IMMP2L: variants seen among roughly 807,000 people sequenced by gnomAD.
IMMP2L encodes the protein inner mitochondrial membrane peptidase subunit 2, also known as mitochondrial inner membrane protease subunit 2.
A neutral mutation model predicts 19.3 loss-of-function variants in IMMP2L; 18 were observed. The observed-to-expected ratio is 0.93, with a 90% CI of 0.64 to 1.38. The LOEUF is 1.38. IMMP2L is among the 40% of genes most tolerant of loss of function. The pLI is 0.00. For missense variants in IMMP2L, 233 were observed against 218.2 expected (o/e 1.07, Z -0.43); for synonymous variants, 76 against 73.0 (o/e 1.04, Z -0.21).
chr7:110,667,622 T>C (rs1458878946), intron 5 of IMMP2L, among the ~76,000 whole-genome samples: 1 of 152,138 alleles, frequency 6.6e-6, no homozygotes, highest in East Asian at 1.9e-4. Context: ...AAAAGGACCA[T>C]GAGCCAAGGA....
At chr7:111,116,265 A>G (rs934960166) in intron 3 of IMMP2L, among the ~76,000 whole-genome samples, 4 of 152,208 alleles carry the variant, frequency 2.6e-5, no homozygotes, top group African/African-American at 9.6e-5. Context: ...GGGTAAAAAT[A>G]AAAGTTCTTA....
At chr7:110,698,046 A>C (rs901305106) in intron 5 of IMMP2L, among the ~76,000 whole-genome samples, 6 of 152,180 alleles carry the variant, frequency 3.9e-5, no homozygotes, top group Admixed American at 1.3e-4. Context: ...TTGTCTTTTG[A>C]CATTTTAAGG....
chr7:111,121,933 A>ATGGATGAAGCTGGAAATCATCATTCT (rs1329125131), intron 3 of IMMP2L, among the ~76,000 whole-genome samples: 3 of 152,144 alleles, frequency 2.0e-5, no homozygotes, highest in Non-Finnish European at 4.4e-5. Context: ...TTGTAGGGAC[A>ATGGATGAAGCTGGAAATCATCATTCT]TGGATGAAGC....
chr7:111,254,791 A>G (rs1023420895), intron 3 of IMMP2L, among the ~76,000 whole-genome samples: 2 of 152,034 alleles, frequency 1.3e-5, no homozygotes, highest in Non-Finnish European at 2.9e-5. Context: ...CAAGTTTTGT[A>G]TCCCTCAAAT....
Position 111,355,292 on chromosome 7 carries a change from A to C in IMMP2L, c.239+131946T>G, listed in dbSNP as rs967883820. On this transcript the variant is annotated intron_variant, in intron 3 of 5. Coordinates refer to ENST00000405709, the MANE Select transcript of IMMP2L (RefSeq NM_032549.4). ...AGTTAAAAATATAATGTACATAATA[A>C]TACTAATGCATGACATCAGTTTGGT... Among the ~76,000 whole-genome samples the C allele has an allele frequency of 1.3e-5, 2 of 151,874 alleles. 1 individual carries two copies. The highest frequency in any genetic ancestry group is 6.4e-3 in the Middle Eastern group (2 of 314).
intron 4 of IMMP2L, among the ~76,000 whole-genome samples, chr7:110,959,265 T>TA (rs1297233368): frequency 6.6e-6 from 1 of 151,946 alleles, no homozygotes; most frequent in Admixed American, 6.6e-5. Flanking sequence ...TAATATCCAG[T>TA]AATATCCAGA....
intron 3 of IMMP2L, among the ~76,000 whole-genome samples, chr7:111,180,858 G>C (rs1337549909): frequency 6.6e-6 from 1 of 151,924 alleles, no homozygotes; most frequent in African/African-American, 2.4e-5. Flanking sequence ...TGTATATTAG[G>C]TTTCTATGCT....
chr7:111,284,496 A>G (rs1304461747), intron 3 of IMMP2L, among the ~76,000 whole-genome samples: 1 of 152,146 alleles, frequency 6.6e-6, no homozygotes, highest in Non-Finnish European at 1.5e-5. Context: ...AGGAAACTTG[A>G]AGGGAAATCC....
At position 110,695,149 on chromosome 7, in the gene IMMP2L, C is replaced by T. The variant is rs114640115; in HGVS notation, c.409-31428G>A. Among the ~76,000 whole-genome samples the T allele has an allele frequency of 8.9e-3, 1,347 of 152,060 alleles. 22 individuals are homozygous for T. The highest frequency in any genetic ancestry group is 0.03 in the African/African-American group (1,262 of 41,488). On this transcript the variant is annotated intron_variant, in intron 5 of 5. Transcript: ENST00000405709. ...TTGGAAGTAGACATAGTGGTTGTACCGCATCATAAAAATGTTTGATGACAC... is the reference window on the plus strand; with the variant it reads ...TTGGAAGTAGACATAGTGGTTGTACTGCATCATAAAAATGTTTGATGACAC...
chr7:111,397,595 A>C (rs755544101), intron 3 of IMMP2L, among the ~76,000 whole-genome samples: 1 of 152,174 alleles, frequency 6.6e-6, no homozygotes, highest in African/African-American at 2.4e-5. Flanking sequence ...TGTTGCTGGT[A>C]TGATGGATGA....
At chr7:111,287,608 T>C (rs1820634988) in intron 3 of IMMP2L, among the ~76,000 whole-genome samples, 1 of 152,056 alleles carries the variant, frequency 6.6e-6, no homozygotes, top group South Asian at 2.1e-4. Context: ...TCTCAAGGTA[T>C]TGAGTATGAA....
chr7:111,176,532 C>T (rs559699483), intron 3 of IMMP2L, among the ~76,000 whole-genome samples: 1 of 151,938 alleles, frequency 6.6e-6, no homozygotes, highest in South Asian at 2.1e-4. Context: ...AAAGACAAAT[C>T]TCATGTTTTC....
chr7:110,701,820 A>T (rs1177670194), intron 5 of IMMP2L, among the ~76,000 whole-genome samples: 1 of 152,228 alleles, frequency 6.6e-6, no homozygotes, highest in Non-Finnish European at 1.5e-5. Flanking sequence ...ACCAGGATTT[A>T]AACTCAGGCT....
intron 5 of IMMP2L, among the ~76,000 whole-genome samples, chr7:110,850,420 C>T (rs1252227408): frequency 1.3e-5 from 2 of 152,114 alleles, no homozygotes; most frequent in African/African-American, 4.8e-5. Flanking sequence ...ATGGGCCTCT[C>T]AATTTGCATT....
At position 110,781,290 on chromosome 7, in the gene IMMP2L, C is replaced by T. The variant is rs151126781; in HGVS notation, c.408+105303G>A. ...CAGTAATGTAAAACATCTATATCCA[C>T]GATACAATACTGAGTACAAATTCCC... On this transcript the variant is annotated intron_variant, in intron 5 of 5. Coordinates refer to ENST00000405709, the MANE Select transcript of IMMP2L (RefSeq NM_032549.4). Among the ~76,000 whole-genome samples, 969 of 151,904 alleles carry T rather than the reference C, an allele frequency of 6.4e-3. 8 individuals are homozygous for T. The highest frequency in any genetic ancestry group is 0.018 in the African/African-American group (738 of 41,494).
chr7:110,953,955 T>C (rs148505459), intron 4 of IMMP2L, among the ~76,000 whole-genome samples: 1 of 152,296 alleles, frequency 6.6e-6, no homozygotes, highest in East Asian at 1.9e-4. Flanking sequence ...GTTGGCTGCA[T>C]AAATGTCTTC....
intron 3 of IMMP2L, among the ~76,000 whole-genome samples, chr7:111,460,112 T>G (rs1840010777): frequency 6.6e-6 from 1 of 152,052 alleles, no homozygotes; most frequent in South Asian, 2.1e-4. Flanking sequence ...CACCTTAGCA[T>G]GAGGGTCAAA....
intron 5 of IMMP2L, among the ~76,000 whole-genome samples, chr7:110,681,049 G>A (rs1305634171): frequency 1.3e-5 from 2 of 148,904 alleles, no homozygotes; most frequent in African/African-American, 5.0e-5. Context: ...AAATTAGTAA[G>A]GATTAAAAAA....
intron 3 of IMMP2L, among the ~76,000 whole-genome samples, chr7:111,241,033 TGG>T (rs1814958824): frequency 6.6e-6 from 1 of 151,930 alleles, no homozygotes; most frequent in Non-Finnish European, 1.5e-5. Context: ...TACACTGTCA[TGG>T]CCGTATCCTT....
Sources: gnomAD v4.1 joint callset for allele counts (sites outside exome capture counted in the v4.1 genomes callset) on GRCh38, gnomAD v4.1.1 for gene constraint, MANE v1.5 for transcripts, NCBI Gene and HGNC (gene_info 2026-07-23, HGNC 2026-07-21) for gene names.